Variants in SLC26A7 observed in about 807,000 individuals in gnomAD.
SLC26A7 encodes the protein anion exchange transporter.
A neutral mutation model predicts 82.5 loss-of-function variants in SLC26A7; 59 were observed. The ratio of observed to expected loss-of-function variants is 0.72; its 90% CI spans 0.58 to 0.89. SLC26A7 has a LOEUF of 0.89. Among genes scored for constraint, SLC26A7 ranks in the 40% least tolerant of loss-of-function variants. The probability of loss-of-function intolerance (pLI) is 0.00; values close to 1 mark genes in which losing one functional copy is unlikely to be tolerated. For synonymous variants in SLC26A7, 271 were observed against 274.3 expected (o/e 0.99, Z 0.12); for missense variants, 820 against 793.0 (o/e 1.03, Z -0.41).
At chr8:91,279,660 C>T (rs1387708730) in intron 2 of SLC26A7, among the ~76,000 whole-genome samples, 6 of 151,992 alleles carry the variant, frequency 3.9e-5, no homozygotes, top group African/African-American at 1.2e-4. Context: ...CCCGGGTTCA[C>T]GCCATTCTCC....
intron 15 of SLC26A7, among the ~76,000 whole-genome samples, chr8:91,370,924 A>G (rs868669011): frequency 1.4e-4 from 22 of 151,906 alleles, no homozygotes; most frequent in Non-Finnish European, 2.7e-4. Flanking sequence ...GGTAGAGATA[A>G]CAGTGATTTT....
rs987305580 is a variant in SLC26A7 at position 91,329,406 on chromosome 8, C to A, written c.643-4889C>A. Among the ~76,000 whole-genome samples the A allele has an allele frequency of 2.0e-5, 3 of 152,100 alleles. No individual in the cohort carries two copies. The East Asian group carries it at 5.8e-4, about 29-fold the overall frequency. On this transcript the variant is annotated intron_variant, in intron 5 of 18. Coordinates refer to ENST00000276609, the MANE Select transcript of SLC26A7 (RefSeq NM_052832.4). The stretch of plus-strand genomic sequence containing the variant: ...CTCCTTTCCTATTCTGTTCTTCATG[C>A]TGGTTGTAATGAGCTATCCACCCCC...
intron 14 of SLC26A7, among the ~76,000 whole-genome samples, chr8:91,367,987 A>C (rs1814243863): frequency 6.6e-6 from 1 of 152,216 alleles, no homozygotes; most frequent in Non-Finnish European, 1.5e-5. Flanking sequence ...ACAGGATCAG[A>C]TACGTAATTT....
chr8:91,248,438 C>T (rs1810578936), upstream of SLC26A7, among the ~76,000 whole-genome samples: 1 of 152,030 alleles, frequency 6.6e-6, no homozygotes, highest in African/African-American at 2.4e-5. Context: ...AACAAATGGG[C>T]ATTAAAAAGG....
At chr8:91,212,338 A>C (rs1040648534) in intron 1 of SLC26A7, among the ~76,000 whole-genome samples, 1 of 152,102 alleles carries the variant, frequency 6.6e-6, no homozygotes, top group Non-Finnish European at 1.5e-5. Flanking sequence ...AGTTGAACTT[A>C]ACATTTCCCC....
intron 2 of SLC26A7, among the ~76,000 whole-genome samples, chr8:91,239,375 C>CAAAAAAA (rs1219500630): frequency 1.2e-5 from 1 of 84,150 alleles, no homozygotes; most frequent in Non-Finnish European, 2.1e-5. Context: ...GACTCCGTCT[C>CAAAAAAA]AAAAAAAAAA....
At chr8:91,279,784 C>A (rs758200658) in intron 2 of SLC26A7, among the ~76,000 whole-genome samples, 4 of 152,138 alleles carry the variant, frequency 2.6e-5, no homozygotes, top group Non-Finnish European at 4.4e-5. Flanking sequence ...TGGTCTCGAT[C>A]TCCTGACCTC....
chr8:91,218,240 A>T (rs1810090692), intron 1 of SLC26A7, among the ~76,000 whole-genome samples: 1 of 152,178 alleles, frequency 6.6e-6, no homozygotes, highest in African/African-American at 2.4e-5. Context: ...ATTTCAGGAC[A>T]TGATTATAAA....
At chr8:91,335,961 A>G (rs187346441) in intron 6 of SLC26A7, among the ~76,000 whole-genome samples, 46 of 152,138 alleles carry the variant, frequency 3.0e-4, no homozygotes, top group Admixed American at 5.9e-4. Context: ...TCATATGTGT[A>G]TGTGTGGACA....
At chr8:91,277,208 C>G (rs574720802) in intron 2 of SLC26A7, among the ~76,000 whole-genome samples, 63 of 152,294 alleles carry the variant, frequency 4.1e-4, no homozygotes, top group African/African-American at 1.4e-3. Context: ...AAAATATTCT[C>G]TCTACCTGTT....
At chr8:91,301,648 T>A (rs996831788) in intron 4 of SLC26A7, among the ~76,000 whole-genome samples, 3 of 152,052 alleles carry the variant, frequency 2.0e-5, no homozygotes, top group African/African-American at 7.2e-5. Flanking sequence ...TGTTACTTTT[T>A]TAAGAAAACC....
At chr8:91,313,673 T>A (rs1164889144) in intron 4 of SLC26A7, among the ~76,000 whole-genome samples, 7 of 152,154 alleles carry the variant, frequency 4.6e-5, no homozygotes, top group Non-Finnish European at 8.8e-5. Flanking sequence ...TTTCCCAACA[T>A]CATCATTTCA....
At chr8:91,256,760 T>C (rs886803556) in intron 2 of SLC26A7, among the ~76,000 whole-genome samples, 1 of 152,158 alleles carries the variant, frequency 6.6e-6, no homozygotes, top group Non-Finnish European at 1.5e-5. Flanking sequence ...TTGAGTGCTA[T>C]TATAGTATAA....
At chr8:91,357,808 C>G (rs1220465701) in intron 11 of SLC26A7, among the ~76,000 whole-genome samples, 2 of 152,202 alleles carry the variant, frequency 1.3e-5, no homozygotes, top group Non-Finnish European at 2.9e-5. Context: ...AAACTACCAT[C>G]AGAGTGAACA....
At chr8:91,384,967 T>C (rs752269059) in intron 15 of SLC26A7, among the ~76,000 whole-genome samples, 2 of 152,188 alleles carry the variant, frequency 1.3e-5, no homozygotes, top group Non-Finnish European at 2.9e-5. Context: ...AATTATGAGT[T>C]ACTCACAGAC....
At chr8:91,248,226 T>C (rs1222016010), upstream of SLC26A7, among the ~76,000 whole-genome samples, 6 of 152,036 alleles carry the variant, frequency 3.9e-5, no homozygotes, top group South Asian at 4.2e-4. Flanking sequence ...TATAAATAAA[T>C]TCCCCCCCAC....
chr8:91,322,201 ATATC>A (rs1486992314), intron 5 of SLC26A7, among the ~76,000 whole-genome samples: 1 of 152,036 alleles, frequency 6.6e-6, no homozygotes, highest in African/African-American at 2.4e-5. Context: ...AGAAACAAAT[ATATC>A]TTCTGTTAAT....
chr8:91,322,777 G>A (rs1812827703), intron 5 of SLC26A7, among the ~76,000 whole-genome samples: 1 of 152,132 alleles, frequency 6.6e-6, no homozygotes, highest in Non-Finnish European at 1.5e-5. Flanking sequence ...CAAAAGGCGA[G>A]CTTGGCAATA....
At chr8:91,312,812 A>G (rs988921988) in intron 4 of SLC26A7, among the ~76,000 whole-genome samples, 4 of 152,120 alleles carry the variant, frequency 2.6e-5, no homozygotes, top group African/African-American at 7.2e-5. Context: ...AGAGATGTCT[A>G]TACACATCCT....
Sources: allele counts gnomAD v4.1 joint callset (sites outside exome capture counted in the v4.1 genomes callset), GRCh38; gene constraint gnomAD v4.1.1; transcripts MANE v1.5; gene names NCBI Gene and HGNC (gene_info 2026-07-23, HGNC 2026-07-21).